PSEN1: variants seen among roughly 807,000 people sequenced by gnomAD.
The protein encoded by PSEN1 is presenilin-1.
PSEN1 carries 15 observed loss-of-function variants against 53.5 expected under a neutral mutation model. That is an observed-to-expected ratio of 0.28 (90% CI 0.19 to 0.43). The LOEUF is 0.43. Ranked by LOEUF, PSEN1 falls within the 20% of genes least tolerant of loss-of-function variation. PSEN1 has a pLI of 1.00. For missense variants in PSEN1, 387 were observed against 571.2 expected (o/e 0.68, Z 3.29); for synonymous variants, 208 against 209.8 (o/e 0.99, Z 0.08).
At chr14:73,140,202 C>CTT (rs35223948) in intron 1 of PSEN1, among the ~76,000 whole-genome samples, 3,542 of 73,074 alleles carry the variant, frequency 0.048, 430 homozygotes, top group Non-Finnish European at 0.074. Context: ...TTTTGCTATT[C>CTT]TTTTTTTTTT....
intron 1 of PSEN1, chr14:73,138,085 CTGTTT>C (rs1481949540): frequency 1.3e-5 from 2 of 151,440 alleles, no homozygotes; most frequent in Non-Finnish European, 1.5e-5. Context: ...AAAAAAAAAC[CTGTTT>C]TGTTTTTCTT....
chr14:73,188,381 T>C (rs1252340689), intron 6 of PSEN1, among the ~76,000 whole-genome samples: 1 of 152,150 alleles, frequency 6.6e-6, no homozygotes, highest in Non-Finnish European at 1.5e-5. Context: ...GGGTCGGGTG[T>C]GGTGGCTCAT....
intron 9 of PSEN1, 76 bp downstream of exon 9, chr14:73,206,548 A>G: frequency 1.9e-6 from 2 of 1,026,072 alleles, no homozygotes; most frequent in South Asian, 1.3e-5. Flanking sequence ...CAATGTTTTT[A>G]TCGTCTTTCT....
intron 1 of PSEN1, among the ~76,000 whole-genome samples, chr14:73,142,552 T>G (rs1271435345): frequency 6.6e-6 from 1 of 152,222 alleles, no homozygotes; most frequent in East Asian, 1.9e-4. Flanking sequence ...TGCAGGAGTT[T>G]GAGGTTTTGT....
At chr14:73,141,313 G>C (rs954826372) in intron 1 of PSEN1, among the ~76,000 whole-genome samples, 2 of 150,406 alleles carry the variant, frequency 1.3e-5, no homozygotes, top group African/African-American at 4.9e-5. Flanking sequence ...TGGGATGGAA[G>C]GAGAAAAAAA....
intron 1 of PSEN1, among the ~76,000 whole-genome samples, chr14:73,141,531 G>A (rs1448662668): frequency 1.3e-5 from 2 of 152,126 alleles, no homozygotes; most frequent in African/African-American, 4.8e-5. Flanking sequence ...AGTGGCTCAC[G>A]CCTGTAATCC....
At chr14:73,144,942 C>T (rs1296556498) in intron 1 of PSEN1, among the ~76,000 whole-genome samples, 2 of 152,206 alleles carry the variant, frequency 1.3e-5, no homozygotes, top group South Asian at 2.1e-4. Context: ...ACCCAGGCTG[C>T]GGTGCAGTGG....
chr14:73,193,848 C>T (rs764133235), intron 7 of PSEN1, among the ~76,000 whole-genome samples: 5 of 151,778 alleles, frequency 3.3e-5, no homozygotes, highest in East Asian at 1.9e-4. Context: ...GTAGAGAGAA[C>T]GTCTTGCTAT....
intron 3 of PSEN1, chr14:73,168,971 ACTCG>A (rs1411642268): frequency 6.6e-6 from 1 of 151,822 alleles, no homozygotes; most frequent in Non-Finnish European, 1.5e-5. Context: ...ACACTCACTC[ACTCG>A]CTTGCACACT....
chr14:73,202,410 A>G (rs1445198576), intron 8 of PSEN1, among the ~76,000 whole-genome samples: 3 of 105,818 alleles, frequency 2.8e-5, no homozygotes, highest in East Asian at 5.5e-4. Flanking sequence ...TAAAATATCT[A>G]TCACATACTA....
intron 9 of PSEN1, among the ~76,000 whole-genome samples, chr14:73,210,719 A>G (rs1899642597): frequency 6.6e-6 from 1 of 152,206 alleles, no homozygotes. Flanking sequence ...AAAACTATCA[A>G]TACAAAATTG....
intron 3 of PSEN1, among the ~76,000 whole-genome samples, chr14:73,157,665 G>A (rs1051887513): frequency 2.0e-5 from 3 of 151,678 alleles, no homozygotes; most frequent in Admixed American, 6.6e-5. Context: ...ACCATGTTTT[G>A]TCACCGCGCG....
chr14:73,177,278 CT>C (rs772244037), intron 5 of PSEN1, among the ~76,000 whole-genome samples: 59 of 151,778 alleles, frequency 3.9e-4, no homozygotes, highest in Non-Finnish European at 7.5e-4. Context: ...TTGTTTTCTC[CT>C]TTGCATATCT....
At chr14:73,173,857 A>AAC (rs1410500598) in intron 5 of PSEN1, 150 bp downstream of exon 5, 1 of 961,586 alleles carries the variant, frequency 1.0e-6, no homozygotes, top group African/African-American at 1.6e-5. Context: ...CTCACTGTGG[A>AAC]ACATTCAAAA....
At chr14:73,193,093 C>G (rs1202760482) in intron 7 of PSEN1, among the ~76,000 whole-genome samples, 6 of 151,812 alleles carry the variant, frequency 4.0e-5, no homozygotes, top group East Asian at 3.9e-4. Flanking sequence ...GGCAGATCAC[C>G]TAAGCCCAGA....
chr14:73,214,987 C>A (rs1200429914), intron 10 of PSEN1, among the ~76,000 whole-genome samples: 1 of 151,872 alleles, frequency 6.6e-6, no homozygotes, highest in Non-Finnish European at 1.5e-5. Context: ...TTTTTTGAGA[C>A]AATTTCGCTC....
chr14:73,183,111 C>T (rs1742561882), intron 5 of PSEN1, among the ~76,000 whole-genome samples: 1 of 151,942 alleles, frequency 6.6e-6, no homozygotes. Context: ...TACAGATGTT[C>T]TCAGCTTACC....
intron 8 of PSEN1, among the ~76,000 whole-genome samples, chr14:73,204,944 G>C (rs1899390697): frequency 6.6e-6 from 1 of 152,124 alleles, no homozygotes; most frequent in Non-Finnish European, 1.5e-5. Context: ...TTCTTCTTTA[G>C]ATCTGGATTT....
At chr14:73,171,124 G>T (rs79330923) in intron 4 of PSEN1, 77 bp downstream of exon 4, 1 of 1,563,724 alleles carries the variant, frequency 6.4e-7, no homozygotes, top group Non-Finnish European at 8.7e-7. Context: ...CACCTTGAAG[G>T]CCTCTGCATT....
Sources: allele counts gnomAD v4.1 joint callset (sites outside exome capture counted in the v4.1 genomes callset), GRCh38; gene constraint gnomAD v4.1.1; transcripts MANE v1.5; gene names NCBI Gene and HGNC (gene_info 2026-07-23, HGNC 2026-07-21).